ADAMTSL3: variants seen among roughly 807,000 people sequenced by gnomAD.
ADAMTSL3 encodes the protein ADAMTS like 3.
ADAMTSL3 carries 128 observed loss-of-function variants against 201.7 expected under a neutral mutation model. That is an observed-to-expected ratio of 0.63 (90% confidence interval 0.55 to 0.73). ADAMTSL3 has a LOEUF of 0.73. Ranked by LOEUF, ADAMTSL3 falls within the 30% of genes least tolerant of loss-of-function variation. The pLI is 0.00. For synonymous variants in ADAMTSL3, 738 were observed against 748.4 expected, an observed-to-expected ratio of 0.99 and a Z score of 0.23; for missense variants, 1,990 against 2,119.6, an observed-to-expected ratio of 0.94 and a Z score of 1.20.
chr15:83,821,832 C>T (rs1221480768), intron 6 of ADAMTSL3, among the ~76,000 whole-genome samples: 2 of 150,984 alleles, frequency 1.3e-5, no homozygotes, highest in East Asian at 4.0e-4. Context: ...GGCAGAGGCG[C>T]CCCTCACCTC....
intron 3 of ADAMTSL3, among the ~76,000 whole-genome samples, chr15:83,730,809 C>T (rs951651737): frequency 6.6e-6 from 1 of 151,924 alleles, no homozygotes; most frequent in Non-Finnish European, 1.5e-5. Flanking sequence ...ACTTTTGTTG[C>T]CTGAGGTTTT....
chr15:83,979,189 G>T (rs575663919), intron 20 of ADAMTSL3, among the ~76,000 whole-genome samples: 1 of 152,190 alleles, frequency 6.6e-6, no homozygotes, highest in East Asian at 1.9e-4. Flanking sequence ...GCTTCCACCC[G>T]ATCTGTAGCA....
At chr15:83,664,462 T>C (rs2061220443) in intron 2 of ADAMTSL3, among the ~76,000 whole-genome samples, 1 of 152,214 alleles carries the variant, frequency 6.6e-6, no homozygotes, top group South Asian at 2.1e-4. Flanking sequence ...CTGCGCTCTC[T>C]TGCTGTGCCT....
intron 23 of ADAMTSL3, among the ~76,000 whole-genome samples, chr15:84,009,862 T>G (rs1019738595): frequency 1.3e-5 from 2 of 152,252 alleles, no homozygotes; most frequent in Non-Finnish European, 2.9e-5. Context: ...TTAGCCTGGC[T>G]GAAGGCCTCT....
intron 6 of ADAMTSL3, among the ~76,000 whole-genome samples, chr15:83,823,966 TCTTCTTCTCCTCCTC>T (rs2063953682): frequency 3.1e-5 from 2 of 64,768 alleles, no homozygotes; most frequent in African/African-American, 5.0e-5. Flanking sequence ...TTCTTCTTCT[TCTTCTTCTCCTCCTC>T]CTCCTCCTCC....
chr15:83,831,502 T>TA, intron 6 of ADAMTSL3, among the ~76,000 whole-genome samples: 1 of 152,268 alleles, frequency 6.6e-6, no homozygotes, highest in Non-Finnish European at 1.5e-5. Flanking sequence ...GTTTTTAGGG[T>TA]ACCTGAAGCA....
At position 83,828,826 on chromosome 15, in the gene ADAMTSL3, G is replaced by A. The variant is rs978510070; in HGVS notation, c.600+8779G>A. Among the ~76,000 whole-genome samples, 14 of 152,240 alleles carry A rather than the reference G, an allele frequency of 9.2e-5. No homozygotes were observed. In the South Asian group the frequency reaches 1.2e-3, roughly 14 times the overall value. On this transcript the variant is annotated intron_variant, in intron 6 of 29. Transcript: ENST00000286744. ...TGTTTCTGTTTATATGCTGGATTAC[G>A]TTTATTGATTTTCATATGTTGAACC...
At chr15:83,897,608 T>G (rs1207813994) in intron 13 of ADAMTSL3, among the ~76,000 whole-genome samples, 1 of 152,226 alleles carries the variant, frequency 6.6e-6, no homozygotes, top group African/African-American at 2.4e-5. Context: ...ATTTTTAATT[T>G]CTTGAACTAT....
At position 83,983,338 on chromosome 15, in the gene ADAMTSL3, C is replaced by A; in HGVS notation, c.3710C>A (p.Ser1237Ter). ...AAGGATGGAACCTTGTTACAGCCCT[C>A]AGTAAAGTAAGTAAAATAAAAATGC... Reference protein sequence around the residue: ...WTKDGTLLQPSVKIILDGTGK... With the variant: ...WTKDGTLLQP The change falls in exon 21 of 30, where the codon TCA becomes TAA. Residue 1237 changes from serine to a stop codon, truncating the protein, a stop_gained. Transcript: ENST00000286744. LOFTEE classifies it high-confidence loss of function. 1 of 1,488,634 alleles carries A rather than the reference C, an allele frequency of 6.7e-7. No individual in the cohort carries two copies. Among genetic ancestry groups the A allele is most frequent in the Non-Finnish European group, 8.9e-7 (1 of 1,118,674 alleles). The allele number at this position is 1,488,634 out of a possible 1,614,324, so 92.2% of individuals were successfully genotyped here. A position where few individuals can be genotyped will look rare whatever the true frequency, so the allele number is the denominator to read the frequency against.
chr15:83,854,711 A>G (rs371031770), intron 7 of ADAMTSL3, among the ~76,000 whole-genome samples: 3 of 152,172 alleles, frequency 2.0e-5, no homozygotes, highest in Non-Finnish European at 4.4e-5. Flanking sequence ...TTCTAATTCT[A>G]TCATTCCTTC....
chr15:83,892,656 A>G, intron 12 of ADAMTSL3, 28 bp from the exon 13 acceptor site: 2 of 1,568,080 alleles, frequency 1.3e-6, no homozygotes, highest in Non-Finnish European at 1.7e-6. Context: ...ACAAATAAAT[A>G]ATATAATTTT....
intron 14 of ADAMTSL3, among the ~76,000 whole-genome samples, chr15:83,899,410 A>T (rs1199130431): frequency 1.1e-5 from 1 of 87,388 alleles, no homozygotes; most frequent in African/African-American, 7.3e-5. Context: ...CAGCATTTTC[A>T]ACTGTATCAT....
chr15:83,694,146 C>G (rs1390315563), intron 2 of ADAMTSL3: 1 of 152,168 alleles, frequency 6.6e-6, no homozygotes, highest in Non-Finnish European at 1.5e-5. Flanking sequence ...GGCGTGGAAG[C>G]GATTTTTGGG....
chr15:83,847,157 G>A (rs1672633165), intron 7 of ADAMTSL3, among the ~76,000 whole-genome samples: 2 of 152,196 alleles, frequency 1.3e-5, no homozygotes, highest in Admixed American at 1.3e-4. Flanking sequence ...AAGGCATGCT[G>A]GTCAGTTTTC....
At chr15:83,729,041 GT>G (rs1449668528) in intron 3 of ADAMTSL3, among the ~76,000 whole-genome samples, 1 of 151,986 alleles carries the variant, frequency 6.6e-6, no homozygotes, top group East Asian at 1.9e-4. Flanking sequence ...AGGATAAAGG[GT>G]TTTTCTTCTC....
At chr15:83,737,137 T>C (rs369941253) in intron 3 of ADAMTSL3, among the ~76,000 whole-genome samples, 1 of 152,206 alleles carries the variant, frequency 6.6e-6, no homozygotes, top group South Asian at 2.1e-4. Flanking sequence ...GATTGGCTGA[T>C]AAGCAGCATG....
intron 3 of ADAMTSL3, among the ~76,000 whole-genome samples, chr15:83,764,846 G>T (rs2062866401): frequency 6.6e-6 from 1 of 152,174 alleles, no homozygotes; most frequent in African/African-American, 2.4e-5. Context: ...TGTGTGCTCA[G>T]CATATGGGAT....
At chr15:83,812,870 C>T (rs2063718835) in intron 5 of ADAMTSL3, among the ~76,000 whole-genome samples, 1 of 152,156 alleles carries the variant, frequency 6.6e-6, no homozygotes, top group Non-Finnish European at 1.5e-5. Flanking sequence ...TCACACTAAC[C>T]CTGAGAAGTA....
At chr15:83,974,382 T>G (rs9329363) in intron 20 of ADAMTSL3, among the ~76,000 whole-genome samples, 50,550 of 152,094 alleles carry the variant, frequency 0.33, 9,032 homozygotes, top group East Asian at 0.57. Context: ...AATCATGAAT[T>G]AATACCTATA....
Sources: allele counts gnomAD v4.1 joint callset (sites outside exome capture counted in the v4.1 genomes callset), GRCh38; gene constraint gnomAD v4.1.1; transcripts MANE v1.5; gene names NCBI Gene and HGNC (gene_info 2026-07-23, HGNC 2026-07-21).